Variants in SV2C observed in about 807,000 individuals in gnomAD.
SV2C encodes synaptic vesicle glycoprotein 2C.
SV2C carries 49 observed loss-of-function variants against 79.7 expected under a neutral mutation model. That is an observed-to-expected ratio of 0.61 (90% confidence interval 0.49 to 0.78). The LOEUF (loss-of-function observed/expected upper bound fraction) is 0.78, where lower values mean the gene tolerates loss of function less well. Ranked by LOEUF, SV2C falls within the 30% of genes least tolerant of loss-of-function variation. The probability of loss-of-function intolerance (pLI) is 0.00; values close to 1 mark genes in which losing one functional copy is unlikely to be tolerated. For synonymous variants in SV2C, 334 were observed against 333.2 expected (o/e 1.00, Z -0.03); for missense variants, 833 against 912.9 (o/e 0.91, Z 1.13).
At chr5:76,197,887 A>T (rs1398658614) in intron 3 of SV2C, among the ~76,000 whole-genome samples, 1 of 152,174 alleles carries the variant, frequency 6.6e-6, no homozygotes, top group African/African-American at 2.4e-5. Context: ...CTGATAATAT[A>T]ACTCTCATTC....
At chr5:76,249,905 G>T (rs1183008284) in intron 4 of SV2C, among the ~76,000 whole-genome samples, 2 of 152,128 alleles carry the variant, frequency 1.3e-5, no homozygotes, top group African/African-American at 4.8e-5. Flanking sequence ...GCTCAATTTT[G>T]TGCCACAATC....
chr5:76,040,323 C>T, the SV2C span, among the ~76,000 whole-genome samples: 1 of 152,182 alleles, frequency 6.6e-6, no homozygotes, highest in Non-Finnish European at 1.5e-5. Flanking sequence ...AAGTCATCTG[C>T]TATCTGTTTA....
chr5:75,961,642 A>G, the SV2C span, among the ~76,000 whole-genome samples: 2 of 152,034 alleles, frequency 1.3e-5, no homozygotes, highest in African/African-American at 4.8e-5. Context: ...AATTTTAATT[A>G]CATACCATTT....
chr5:75,914,059 T>C, the SV2C span, among the ~76,000 whole-genome samples: 5 of 152,232 alleles, frequency 3.3e-5, no homozygotes, highest in Non-Finnish European at 5.9e-5. Flanking sequence ...GGTCTTTTCA[T>C]TGAGCATGAA....
chr5:76,186,723 G>A (rs577900999), intron 2 of SV2C, among the ~76,000 whole-genome samples: 89 of 144,662 alleles, frequency 6.2e-4, no homozygotes, highest in Middle Eastern at 3.5e-3. Context: ...TAATTGACTC[G>A]CAGTTCCACA....
the SV2C span, among the ~76,000 whole-genome samples, chr5:75,990,959 T>C: frequency 6.6e-6 from 1 of 151,928 alleles, no homozygotes; most frequent in Non-Finnish European, 1.5e-5. Context: ...CTTTTGTAAT[T>C]GCCTATCGTC....
chr5:76,311,920 C>T (rs1274427357), intron 12 of SV2C, among the ~76,000 whole-genome samples: 1 of 152,178 alleles, frequency 6.6e-6, no homozygotes, highest in African/African-American at 2.4e-5. Flanking sequence ...CTGTGCTGGT[C>T]AGCTTCCCTC....
intron 4 of SV2C, among the ~76,000 whole-genome samples, chr5:76,253,475 A>C (rs563817529): frequency 6.6e-6 from 1 of 152,226 alleles, no homozygotes; most frequent in South Asian, 2.1e-4. Flanking sequence ...TGGTACTTAG[A>C]TTCCATTGGC....
chr5:75,911,251 G>A, the SV2C span: 8 of 1,515,932 alleles, frequency 5.3e-6, no homozygotes, highest in Non-Finnish European at 7.3e-6. Flanking sequence ...GTCCCAGGAG[G>A]AAGTTCTCCC....
At chr5:76,108,270 T>C (rs1375123084) in intron 1 of SV2C, among the ~76,000 whole-genome samples, 1 of 152,166 alleles carries the variant, frequency 6.6e-6, no homozygotes, top group Non-Finnish European at 1.5e-5. Flanking sequence ...CAAAGATAGG[T>C]AGTTAAACAA....
At chr5:76,068,375 C>G in the SV2C span, among the ~76,000 whole-genome samples, 1 of 152,202 alleles carries the variant, frequency 6.6e-6, no homozygotes, top group East Asian at 1.9e-4. Flanking sequence ...ATGCCTTCAT[C>G]CTGATGAAAC....
chr5:76,004,409 T>C, the SV2C span, among the ~76,000 whole-genome samples: 2 of 152,196 alleles, frequency 1.3e-5, no homozygotes, highest in Non-Finnish European at 2.9e-5. Context: ...AGACTAATAA[T>C]GGGACCTACC....
chr5:76,339,659 A>G (rs1749401861), intron 12 of SV2C, among the ~76,000 whole-genome samples: 1 of 150,654 alleles, frequency 6.6e-6, no homozygotes, highest in South Asian at 2.1e-4. Context: ...GCTTGCAGTG[A>G]GCCAAGATTG....
At chr5:76,056,484 T>C in the SV2C span, among the ~76,000 whole-genome samples, 1 of 152,172 alleles carries the variant, frequency 6.6e-6, no homozygotes, top group East Asian at 1.9e-4. Flanking sequence ...CAGGTTTTGG[T>C]ATCAGGATGA....
At chr5:76,133,893 G>A (rs1428572437) in intron 2 of SV2C, among the ~76,000 whole-genome samples, 1 of 152,134 alleles carries the variant, frequency 6.6e-6, no homozygotes, top group African/African-American at 2.4e-5. Context: ...GTGTAAAGAA[G>A]ATAGACCCTG....
the SV2C span, among the ~76,000 whole-genome samples, chr5:75,927,885 G>A: frequency 2.2e-4 from 34 of 152,194 alleles, 1 homozygote; most frequent in Admixed American, 2.2e-3. Context: ...AGCAAGGGAA[G>A]GAACCCTCTA....
the SV2C span, among the ~76,000 whole-genome samples, chr5:75,886,145 A>C: frequency 1.4e-3 from 217 of 152,194 alleles, 1 homozygote; most frequent in African/African-American, 4.2e-3. Flanking sequence ...CAAGCAAAGG[A>C]GATGAGACTC....
At chr5:76,035,838 C>T in the SV2C span, among the ~76,000 whole-genome samples, 1 of 152,026 alleles carries the variant, frequency 6.6e-6, no homozygotes, top group Non-Finnish European at 1.5e-5. Context: ...CTAATGTTGA[C>T]AGTGGGGTGT....
chr5:75,912,195 T>C, the SV2C span, among the ~76,000 whole-genome samples: 2 of 151,798 alleles, frequency 1.3e-5, no homozygotes, highest in Admixed American at 6.6e-5. Flanking sequence ...AGACAGACAC[T>C]TGTCTATACA....
Sources: gnomAD v4.1 joint callset for allele counts (sites outside exome capture counted in the v4.1 genomes callset) on GRCh38, gnomAD v4.1.1 for gene constraint, MANE v1.5 for transcripts, NCBI Gene and HGNC (gene_info 2026-07-23, HGNC 2026-07-21) for gene names.